Variants in ZBTB25 observed in about 807,000 individuals in gnomAD.
ZBTB25 encodes the protein zinc finger and BTB domain containing 25.
A neutral mutation model predicts 34.2 loss-of-function variants in ZBTB25; 20 were observed. The observed-to-expected ratio is 0.58, with a 90% confidence interval of 0.41 to 0.85. The LOEUF (loss-of-function observed/expected upper bound fraction) is 0.85. ZBTB25 is among the 40% of genes least tolerant of loss of function. ZBTB25 has a pLI of 0.00. For synonymous variants in ZBTB25, 175 were observed against 186.4 expected, an observed-to-expected ratio of 0.94 and a Z score of 0.50; for missense variants, 437 against 521.8, an observed-to-expected ratio of 0.84 and a Z score of 1.58.
downstream of ZBTB25, among the ~76,000 whole-genome samples, chr14:64,475,482 A>G (rs1012201112): frequency 6.6e-6 from 1 of 152,084 alleles, no homozygotes; most frequent in Non-Finnish European, 1.5e-5. Flanking sequence ...AAAAAAAAAA[A>G]AAAAGATACA....
At chr14:64,474,156 G>A (rs552754628), downstream of ZBTB25, 1 of 167,192 alleles carries the variant, frequency 6.0e-6, no homozygotes, top group South Asian at 2.1e-4. Context: ...TGGCACAGAG[G>A]GGAGTACACA....
At chr14:64,493,119 T>C (rs776650575) in intron 1 of ZBTB25, among the ~76,000 whole-genome samples, 13 of 152,084 alleles carry the variant, frequency 8.5e-5, no homozygotes, top group Non-Finnish European at 1.5e-4. Flanking sequence ...AATAATGAAA[T>C]GTGGTCAGTT....
intron 2 of ZBTB25, among the ~76,000 whole-genome samples, chr14:64,489,943 C>G (rs1201372088): frequency 6.6e-6 from 1 of 151,356 alleles, no homozygotes; most frequent in Admixed American, 6.6e-5. Flanking sequence ...CATGGTGGCT[C>G]ATGCCTGTAA....
exon 3 of ZBTB25, chr14:64,449,225 G>A (rs2078332727): frequency 2.5e-5 from 15 of 608,094 alleles, no homozygotes; most frequent in Non-Finnish European, 4.2e-5. Flanking sequence ...GTGATTATTC[G>A]CGTATTACCA....
chr14:64,475,062 C>T (rs2078707124), downstream of ZBTB25, among the ~76,000 whole-genome samples: 1 of 152,142 alleles, frequency 6.6e-6, no homozygotes, highest in Admixed American at 6.5e-5. Context: ...AGTCCTAAAA[C>T]GAATCTGGCT....
At chr14:64,454,997 G>A (rs1181259411) in intron 2 of ZBTB25, 22 of 1,019,274 alleles carry the variant, frequency 2.2e-5, no homozygotes, top group Admixed American at 3.4e-5. Context: ...AATTGGAATC[G>A]GGCCTATTAT....
intron 1 of ZBTB25, among the ~76,000 whole-genome samples, chr14:64,498,279 T>C (rs544236187): frequency 5.3e-5 from 8 of 152,272 alleles, no homozygotes; most frequent in East Asian, 1.9e-4. Flanking sequence ...CCAAACAGAA[T>C]TGAATTGCTA....
chr14:64,457,191 GT>G (rs978695929), intron 2 of ZBTB25, among the ~76,000 whole-genome samples: 39 of 152,206 alleles, frequency 2.6e-4, no homozygotes, highest in Admixed American at 1.1e-3. Context: ...CTACCATCGT[GT>G]TGCTGAAGCA....
chr14:64,488,560 C>T, intron 2 of ZBTB25, among the ~76,000 whole-genome samples: 1 of 152,138 alleles, frequency 6.6e-6, no homozygotes, highest in Non-Finnish European at 1.5e-5. Flanking sequence ...AGATGGCTTA[C>T]ACACACAATG....
rs76696939 is a variant in ZBTB25 at position 64,481,226 on chromosome 14, G to A, written c.*5697C>T. The A allele has an allele frequency of 0.025, 3,758 of 152,094 alleles. 51 individuals are homozygous for A. The highest frequency in any genetic ancestry group is 0.054 in the Middle Eastern group (16 of 296). 9.4% of individuals were successfully genotyped at this position (152,094 alleles called of 1,614,324 possible). A position where few individuals can be genotyped will look rare whatever the true frequency, so the allele number is the denominator to read the frequency against. ...ATTACAGGCGTGAGCCACTGCCCCT[G>A]GCCAAAATTTTTGGCAGAGATGAGG... On this transcript the variant is annotated 3_prime_UTR_variant, in exon 3 of 3. Coordinates refer to ENST00000608382, the MANE Select transcript of ZBTB25 (RefSeq NM_006977.5).
In ZBTB25 at chr14:64,486,830, A is replaced by G. The variant is rs2078876573; in HGVS notation, c.*93T>C. ...GATAAGCTGTGAAGAAAAAAAGTCAATGAAACTTGAGGAGGAAAATAATTT... is the reference window on the plus strand; with the variant it reads ...GATAAGCTGTGAAGAAAAAAAGTCAGTGAAACTTGAGGAGGAAAATAATTT... On this transcript the variant is annotated 3_prime_UTR_variant, in exon 3 of 3. Coordinates refer to ENST00000608382, the MANE Select transcript of ZBTB25 (RefSeq NM_006977.5). 7 of 1,461,050 alleles carry G rather than the reference A, an allele frequency of 4.8e-6. No individual in the cohort carries two copies. Among genetic ancestry groups the G allele is most frequent in the African/African-American group, 1.4e-5 (1 of 70,050 alleles). The allele number at this position is 1,461,050 out of a possible 1,614,324, so 90.5% of individuals were successfully genotyped here.
chr14:64,495,622 A>G (rs1219302980), intron 1 of ZBTB25, among the ~76,000 whole-genome samples: 2 of 152,372 alleles, frequency 1.3e-5, no homozygotes, highest in South Asian at 2.1e-4. Flanking sequence ...GCAGACCTCA[A>G]TCTAGTTTTT....
chr14:64,486,783 T>C lies in ZBTB25; in HGVS notation c.*140A>G. 3 of 1,406,778 alleles carry C rather than the reference T, an allele frequency of 2.1e-6. No individual in the cohort carries two copies. The highest frequency in any genetic ancestry group is 2.8e-6 in the Non-Finnish European group (3 of 1,083,786). 87.1% of individuals were successfully genotyped at this position (1,406,778 alleles called of 1,614,324 possible). A position where few individuals can be genotyped will look rare whatever the true frequency, so the allele number is the denominator to read the frequency against. On this transcript the variant is annotated 3_prime_UTR_variant, in exon 3 of 3. Coordinates refer to ENST00000608382, the MANE Select transcript of ZBTB25 (RefSeq NM_006977.5). Reference sequence around the variant, plus strand: ...TAATATGTCTTATGAGAAGATCTAATATATACAACCTTAAAACCATGGATA... The same window carrying C: ...TAATATGTCTTATGAGAAGATCTAACATATACAACCTTAAAACCATGGATA...
intron 2 of ZBTB25, among the ~76,000 whole-genome samples, chr14:64,488,661 G>C (rs1381490873): frequency 6.6e-6 from 1 of 152,146 alleles, no homozygotes; most frequent in Non-Finnish European, 1.5e-5. Context: ...AAATAAGCCA[G>C]ACACAAAAGG....
chr14:64,499,714 T>C (rs898139889), intron 1 of ZBTB25, among the ~76,000 whole-genome samples: 4 of 152,228 alleles, frequency 2.6e-5, no homozygotes, highest in Non-Finnish European at 5.9e-5. Context: ...TCTTACTCCA[T>C]TACACCTAGA....
downstream of ZBTB25, among the ~76,000 whole-genome samples, chr14:64,474,904 TTC>T (rs2141008520): frequency 6.6e-6 from 1 of 152,340 alleles, no homozygotes; most frequent in East Asian, 1.9e-4. Context: ...GTTTAAAAAG[TTC>T]TGTGTTTACT....
intron 2 of ZBTB25, among the ~76,000 whole-genome samples, chr14:64,465,208 T>TG (rs1452169700): frequency 6.6e-6 from 1 of 151,910 alleles, no homozygotes. Flanking sequence ...TTCATTGCCC[T>TG]GGTCCCCCCC....
At chr14:64,469,647 A>G in intron 2 of ZBTB25, 3 of 1,595,848 alleles carry the variant, frequency 1.9e-6, no homozygotes, top group Non-Finnish European at 2.6e-6. Flanking sequence ...ATGGCCTCTG[A>G]TGATAATAAA....
At chr14:64,469,382 GAAGA>G (rs1305122550) in intron 2 of ZBTB25, 1 of 1,613,936 alleles carries the variant, frequency 6.2e-7, no homozygotes, top group Non-Finnish European at 8.5e-7. Flanking sequence ...ATCCAAATCA[GAAGA>G]AAGCAAAAGA....
Sources: gnomAD v4.1 joint callset for allele counts (sites outside exome capture counted in the v4.1 genomes callset) on GRCh38, gnomAD v4.1.1 for gene constraint, MANE v1.5 for transcripts, NCBI Gene and HGNC (gene_info 2026-07-23, HGNC 2026-07-21) for gene names.